Variants in RALA observed in about 807,000 individuals in gnomAD.
The protein encoded by RALA is ras-related protein Ral-A.
Under a neutral mutation model 24.0 loss-of-function variants are expected in RALA, and 5 were observed. That is an observed-to-expected ratio of 0.21 (90% confidence interval 0.11 to 0.44). The LOEUF is 0.44. Among genes scored for constraint, RALA ranks in the 20% least tolerant of loss-of-function variants. RALA has a pLI of 0.99. For synonymous variants in RALA, 77 were observed against 83.8 expected (o/e 0.92, Z 0.44); for missense variants, 95 against 241.2 (o/e 0.39, Z 4.01).
At chr7:39,704,630 TTTTAA>T (rs898012370) in intron 4 of RALA, among the ~76,000 whole-genome samples, 15 of 151,946 alleles carry the variant, frequency 9.9e-5, no homozygotes, top group Non-Finnish European at 1.9e-4. Context: ...TCTTAATTTA[TTTTAA>T]TTTGATTTTC....
At chr7:39,639,839 C>T (rs545506906) in intron 1 of RALA, among the ~76,000 whole-genome samples, 4 of 152,170 alleles carry the variant, frequency 2.6e-5, no homozygotes, top group Admixed American at 6.5e-5. Flanking sequence ...CATGCACACA[C>T]GCACACTCAC....
chr7:39,702,044 T>C (rs1167564686), intron 4 of RALA, among the ~76,000 whole-genome samples: 4 of 152,246 alleles, frequency 2.6e-5, no homozygotes, highest in South Asian at 2.1e-4. Flanking sequence ...GTGTGATTTA[T>C]TATGTCAAGA....
chr7:39,669,803 C>G (rs1792349939), intron 1 of RALA, among the ~76,000 whole-genome samples: 1 of 128,602 alleles, frequency 7.8e-6, no homozygotes, highest in African/African-American at 2.9e-5. Flanking sequence ...GAGACTCTGT[C>G]TCTTTAAAAA....
intron 1 of RALA, among the ~76,000 whole-genome samples, chr7:39,647,452 T>C (rs1202710340): frequency 1.3e-5 from 2 of 152,236 alleles, no homozygotes; most frequent in Non-Finnish European, 2.9e-5. Context: ...TTGTGTATCC[T>C]GTAACTAAAA....
chr7:39,688,028 G>A (rs1322641577), intron 2 of RALA, among the ~76,000 whole-genome samples: 2 of 152,086 alleles, frequency 1.3e-5, no homozygotes, highest in Non-Finnish European at 2.9e-5. Flanking sequence ...TGGGATTACA[G>A]GTATGAGCCA....
chr7:39,682,557 C>T (rs1400911544), intron 1 of RALA, among the ~76,000 whole-genome samples: 1 of 152,244 alleles, frequency 6.6e-6, no homozygotes, highest in Non-Finnish European at 1.5e-5. Context: ...TGGCCTCTGC[C>T]TACCTGTCAA....
Position 39,679,686 on chromosome 7 carries a change from T to G in RALA, c.-37-6945T>G, listed in dbSNP as rs538350125. On this transcript the variant is annotated intron_variant, in intron 1 of 4. Transcript: ENST00000005257. ...GCAAATGTTTTCCACAGTTTTATCT[T>G]TTTACTTTGCTTCTAGAAGATTTTG... 1.5e-3 allele frequency among the ~76,000 whole-genome samples: 226 copies of G among 152,244 alleles called. 1 individual carries two copies. The highest frequency in any genetic ancestry group is 5.3e-3 in the African/African-American group (222 of 41,562).
intron 1 of RALA, among the ~76,000 whole-genome samples, chr7:39,633,006 T>G (rs1358681213): frequency 6.6e-6 from 1 of 152,172 alleles, no homozygotes; most frequent in Non-Finnish European, 1.5e-5. Flanking sequence ...CTGGATTTCA[T>G]TTTGTTTTTT....
intron 1 of RALA, among the ~76,000 whole-genome samples, chr7:39,660,578 C>A (rs368028228): frequency 1.3e-5 from 2 of 151,560 alleles, no homozygotes; most frequent in African/African-American, 4.9e-5. Context: ...CTTATTGGGC[C>A]CATTCATGTG....
rs1402110821 is a variant in RALA, at chr7:39,706,805, G to C, written c.*560G>C. ...ATTACCTGGTGAGTAACTTAGAAAA[G>C]TGGTGTAAACTTGTACATGGAATTT... On this transcript the variant is annotated 3_prime_UTR_variant, in exon 5 of 5. Coordinates refer to ENST00000005257, the MANE Select transcript of RALA (RefSeq NM_005402.4). 1 of 152,676 alleles carries C rather than the reference G, an allele frequency of 6.5e-6. No homozygotes were observed. The highest frequency in any genetic ancestry group is 1.9e-4 in the East Asian group (1 of 5,212). The allele number at this position is 152,676 out of a possible 1,614,324, so 9.5% of individuals were successfully genotyped here.
chr7:39,647,802 C>T (rs575479373), intron 1 of RALA, among the ~76,000 whole-genome samples: 1 of 152,236 alleles, frequency 6.6e-6, no homozygotes, highest in South Asian at 2.1e-4. Context: ...CACCAGACAC[C>T]GAATGTGCTG....
At chr7:39,637,469 A>G (rs760534662) in intron 1 of RALA, among the ~76,000 whole-genome samples, 6 of 152,236 alleles carry the variant, frequency 3.9e-5, no homozygotes, top group Non-Finnish European at 8.8e-5. Context: ...GACTTAAGTA[A>G]TACTTCAAAA....
intron 1 of RALA, among the ~76,000 whole-genome samples, chr7:39,662,436 C>T (rs1389588424): frequency 6.6e-6 from 1 of 152,156 alleles, no homozygotes; most frequent in Admixed American, 6.5e-5. Flanking sequence ...AAACTGAATG[C>T]TTTTAACAGC....
chr7:39,630,957 T>C (rs1791587321), intron 1 of RALA, among the ~76,000 whole-genome samples: 1 of 152,182 alleles, frequency 6.6e-6, no homozygotes, highest in African/African-American at 2.4e-5. Context: ...GTATGAATTT[T>C]AGCATCAATT....
chr7:39,656,027 G>A (rs1792090454), intron 1 of RALA, among the ~76,000 whole-genome samples: 1 of 152,140 alleles, frequency 6.6e-6, no homozygotes, highest in Non-Finnish European at 1.5e-5. Context: ...ACATAAAAAG[G>A]CAGGCAGTAT....
chr7:39,626,542 G>A (rs1379558141), intron 1 of RALA, among the ~76,000 whole-genome samples: 1 of 152,142 alleles, frequency 6.6e-6, no homozygotes, highest in African/African-American at 2.4e-5. Flanking sequence ...CAGCAGTCCT[G>A]GCCAGGTGGC....
intron 1 of RALA, among the ~76,000 whole-genome samples, chr7:39,646,415 G>T (rs1791922963): frequency 6.6e-6 from 1 of 152,168 alleles, no homozygotes. Context: ...TGGGAGGATT[G>T]CTTGAGATCA....
intron 1 of RALA, among the ~76,000 whole-genome samples, chr7:39,651,371 C>T (rs528832204): frequency 3.3e-5 from 5 of 152,290 alleles, no homozygotes; most frequent in African/African-American, 7.2e-5. Flanking sequence ...AACATAGAAG[C>T]CCACATAAGG....
chr7:39,693,969 T>A (rs1000821629), intron 3 of RALA, among the ~76,000 whole-genome samples: 4 of 152,198 alleles, frequency 2.6e-5, no homozygotes, highest in Non-Finnish European at 5.9e-5. Context: ...GTTGAATGTG[T>A]TAGAATGTTT....
Sources: allele counts gnomAD v4.1 joint callset (sites outside exome capture counted in the v4.1 genomes callset), GRCh38; gene constraint gnomAD v4.1.1; transcripts MANE v1.5; gene names NCBI Gene and HGNC (gene_info 2026-07-23, HGNC 2026-07-21).